ARHGAP8: variants seen among roughly 807,000 people sequenced by gnomAD.
ARHGAP8 encodes the protein rho GTPase-activating protein 8.
In ARHGAP8, 62 loss-of-function variants were observed where a neutral mutation model predicts 46.1. The observed-to-expected ratio is 1.34, with a 90% confidence interval of 1.10 to 1.66. The LOEUF is 1.66. ARHGAP8 is among the 40% of genes most tolerant of loss of function. The pLI is 0.00. For synonymous variants in ARHGAP8, 375 were observed against 243.1 expected (o/e 1.54, Z -5.05); for missense variants, 923 against 568.4 (o/e 1.62, Z -6.34).
chr22:44,788,007 G>A (rs1324547174), intron 2 of ARHGAP8, among the ~76,000 whole-genome samples: 1 of 148,716 alleles, frequency 6.7e-6, no homozygotes, highest in Non-Finnish European at 1.5e-5. Flanking sequence ...CCGAGTGTGA[G>A]GAATGCAGAT....
chr22:44,855,923 C>G (rs1002561325), intron 10 of ARHGAP8, among the ~76,000 whole-genome samples: 1 of 152,198 alleles, frequency 6.6e-6, no homozygotes, highest in Non-Finnish European at 1.5e-5. Flanking sequence ...TTGGCATCTG[C>G]TTGGCTTCCA....
intron 11 of ARHGAP8, among the ~76,000 whole-genome samples, chr22:44,860,458 C>T (rs879425723): frequency 1.1e-4 from 16 of 152,038 alleles, no homozygotes; most frequent in East Asian, 3.9e-4. Context: ...AATCTCCCTC[C>T]ACCTTTCCCT....
At chr22:44,797,756 G>T (rs1928194609) in intron 2 of ARHGAP8, among the ~76,000 whole-genome samples, 1 of 152,162 alleles carries the variant, frequency 6.6e-6, no homozygotes, top group Admixed American at 6.5e-5. Context: ...CTGTGCGCGC[G>T]TGTGTGTGCG....
chr22:44,786,963 G>A (rs763604451), intron 2 of ARHGAP8, among the ~76,000 whole-genome samples: 24 of 148,816 alleles, frequency 1.6e-4, no homozygotes, highest in Non-Finnish European at 2.8e-4. Flanking sequence ...GTTGCACAGT[G>A]AGCCAAGATC....
chr22:44,859,457 C>G (rs1050898109), intron 10 of ARHGAP8, among the ~76,000 whole-genome samples: 3 of 152,172 alleles, frequency 2.0e-5, no homozygotes, highest in Non-Finnish European at 4.4e-5. Context: ...AGAAGCTGAA[C>G]AGGTGCTGGT....
At chr22:44,859,582 C>G in intron 10 of ARHGAP8, 149 bp from the exon 11 acceptor site, 2 of 757,324 alleles carry the variant, frequency 2.6e-6, no homozygotes, top group Non-Finnish European at 4.4e-6. Flanking sequence ...AGCCATACGG[C>G]CAGAAGATAA....
At chr22:44,797,391 G>T (rs1470053514) in intron 2 of ARHGAP8, among the ~76,000 whole-genome samples, 1 of 152,050 alleles carries the variant, frequency 6.6e-6, no homozygotes, top group Non-Finnish European at 1.5e-5. Context: ...GTCAGCCATG[G>T]AACCCTGGCC....
intron 7 of ARHGAP8, among the ~76,000 whole-genome samples, chr22:44,832,245 AAGAC>A (rs1168928338): frequency 8.8e-6 from 1 of 113,500 alleles, no homozygotes; most frequent in East Asian, 3.4e-4. Flanking sequence ...TTTTTTTTTA[AAGAC>A]AGAGTCTTGC....
Position 44,757,730 on chromosome 22 carries a change from C to T in ARHGAP8, c.-72+5103C>T, listed in dbSNP as rs983514862. ...CTCAGCTGACTGCAACCTCCGCCTCCTGGGCTCAAATGATTCTCGTGCCTC... is the reference window on the plus strand; with the variant it reads ...CTCAGCTGACTGCAACCTCCGCCTCTTGGGCTCAAATGATTCTCGTGCCTC... On this transcript the variant is annotated intron_variant, in intron 1 of 11. Coordinates refer to ENST00000356099, the MANE Select transcript of ARHGAP8 (RefSeq NM_181335.3). Among the ~76,000 whole-genome samples the T allele has an allele frequency of 3.3e-5, 5 of 152,258 alleles. No homozygotes were observed. In the South Asian group the frequency reaches 6.2e-4, roughly 19 times the overall value.
intron 1 of ARHGAP8, among the ~76,000 whole-genome samples, chr22:44,779,781 C>G (rs1926708437): frequency 1.3e-5 from 2 of 151,970 alleles, no homozygotes; most frequent in South Asian, 2.1e-4. Context: ...ATTGGCCAGG[C>G]TGGTCTCGAA....
At chr22:44,802,825 A>G (rs1048410651) in intron 3 of ARHGAP8, among the ~76,000 whole-genome samples, 1 of 151,990 alleles carries the variant, frequency 6.6e-6, no homozygotes, top group Admixed American at 6.6e-5. Flanking sequence ...TTCCCATCTC[A>G]TAAGGACACC....
chr22:44,859,605 A>G lies in ARHGAP8; in HGVS notation c.878-126A>G, dbSNP rs555013098. The G allele has an allele frequency of 8.7e-6, 9 of 1,030,840 alleles. No individual in the cohort carries two copies. In the East Asian group the frequency reaches 1.3e-4, roughly 15 times the overall value. The allele number at this position is 1,030,840 out of a possible 1,614,324, so 63.9% of individuals were successfully genotyped here. On this transcript the variant is annotated intron_variant, in intron 10 of 11. Coordinates refer to ENST00000356099, the MANE Select transcript of ARHGAP8 (RefSeq NM_181335.3). ...GGCCAGAAGATAAGTGGGGGTCCCA[A>G]GCCCAAATGTGGGATAGTCCATCCT...
At chr22:44,818,971 T>G (rs1929944738) in intron 5 of ARHGAP8, among the ~76,000 whole-genome samples, 1 of 152,124 alleles carries the variant, frequency 6.6e-6, no homozygotes, top group African/African-American at 2.4e-5. Flanking sequence ...AGTGTTGGGA[T>G]TATAGGAGCG....
Position 44,845,192 on chromosome 22 carries a change from A to G in ARHGAP8, c.597-77A>G. On this transcript the variant is annotated intron_variant, in intron 7 of 11. Transcript: ENST00000356099. Reference sequence around the variant, plus strand: ...CCTGTGTTTTCACAGGGGTGTGGAGAGGACCAGCGCCTCTTCTCATTGTGA... The same window carrying G: ...CCTGTGTTTTCACAGGGGTGTGGAGGGGACCAGCGCCTCTTCTCATTGTGA... 1.1e-5 allele frequency: 17 copies of G among 1,571,884 alleles called. No individual in the cohort carries two copies. The South Asian group carries it at 1.8e-4, about 17-fold the overall frequency.
At chr22:44,840,625 A>C (rs1334641652) in intron 7 of ARHGAP8, among the ~76,000 whole-genome samples, 1 of 152,174 alleles carries the variant, frequency 6.6e-6, no homozygotes, top group Non-Finnish European at 1.5e-5. Flanking sequence ...TCGGGCAAGT[A>C]ACTGTAGCTC....
intron 1 of ARHGAP8, among the ~76,000 whole-genome samples, chr22:44,773,535 G>A (rs1003692769): frequency 6.6e-6 from 1 of 152,176 alleles, no homozygotes; most frequent in African/African-American, 2.4e-5. Context: ...TATGACACCA[G>A]GATGGTATGG....
chr22:44,811,671 G>A (rs1040061138), intron 4 of ARHGAP8, among the ~76,000 whole-genome samples: 1 of 152,156 alleles, frequency 6.6e-6, no homozygotes, highest in African/African-American at 2.4e-5. Context: ...TGTCTGCAGG[G>A]GTGCTGAGTT....
In ARHGAP8 at chr22:44,801,940, G is replaced by A. The variant is rs115285359; in HGVS notation, c.80-137G>A. 4.5e-4 allele frequency: 395 copies of A among 877,680 alleles called. No homozygotes were observed. In the African/African-American group the frequency reaches 6.0e-3, roughly 13 times the overall value. The allele number at this position is 877,680 out of a possible 1,614,324, so 54.4% of individuals were successfully genotyped here. ...CAGGTGATGGATGCTCACTCAGCAGGTGTCGCCTCCGAGGAACGCTGCTGC... is the reference window on the plus strand; with the variant it reads ...CAGGTGATGGATGCTCACTCAGCAGATGTCGCCTCCGAGGAACGCTGCTGC... On this transcript the variant is annotated intron_variant, in intron 2 of 11. Transcript: ENST00000356099.
At chr22:44,839,533 C>T (rs568941334) in intron 7 of ARHGAP8, among the ~76,000 whole-genome samples, 3 of 152,166 alleles carry the variant, frequency 2.0e-5, no homozygotes, top group South Asian at 2.1e-4. Context: ...CCCAGGGGGC[C>T]GTGGAGCCCA....
Sources: gnomAD v4.1 joint callset for allele counts (sites outside exome capture counted in the v4.1 genomes callset) on GRCh38, gnomAD v4.1.1 for gene constraint, MANE v1.5 for transcripts, NCBI Gene and HGNC (gene_info 2026-07-23, HGNC 2026-07-21) for gene names.